The following CYTIP variants were observed in gnomAD, a reference collection of about 807,000 sequenced individuals.
CYTIP encodes cytohesin-interacting protein.
In CYTIP, 26 loss-of-function variants were observed where a neutral mutation model predicts 43.8. The observed-to-expected ratio is 0.59, with a 90% CI of 0.44 to 0.82. CYTIP has a LOEUF of 0.82. Ranked by LOEUF, CYTIP falls within the 40% of genes least tolerant of loss-of-function variation. The probability of loss-of-function intolerance (pLI) is 0.00; values close to 1 mark genes in which losing one functional copy is unlikely to be tolerated. For synonymous variants in CYTIP, 162 were observed against 162.9 expected, an observed-to-expected ratio of 0.99 and a Z score of 0.04; for missense variants, 426 against 443.1, an observed-to-expected ratio of 0.96 and a Z score of 0.35.
intron 5 of CYTIP, 77 bp from the exon 6 acceptor site, chr2:157,427,497 C>A: frequency 2.0e-6 from 2 of 990,382 alleles, no homozygotes; most frequent in Non-Finnish European, 3.0e-6. Context: ...AAGTACCATA[C>A]TACAGAGTAC....
At chr2:157,433,450 A>C (rs930776619) in intron 3 of CYTIP, among the ~76,000 whole-genome samples, 2 of 152,184 alleles carry the variant, frequency 1.3e-5, no homozygotes, top group African/African-American at 4.8e-5. Context: ...CTAATCTTAA[A>C]ATAAACACTG....
rs753626069 is a variant in CYTIP at position 157,443,921 on chromosome 2, G to A, written c.100C>T (p.Leu34Phe). The change falls in exon 1 of 8, where the codon CTT becomes TTT. Residue 34 changes from leucine to phenylalanine, a missense_variant. Physicochemically the swap from Leu to Phe is conservative, Grantham distance 22. Coordinates refer to ENST00000264192, the MANE Select transcript of CYTIP (RefSeq NM_004288.5). Reference protein sequence around the residue: ...YSSYSTLTGSLTMDDNRRIQM... With the variant: ...YSSYSTLTGSFTMDDNRRIQM... Reference sequence around the variant, plus strand: ...ATCCTTCTATTATCGTCCATCGTAAGGCTGCCGGTGAGTGTGGAGTAAGAG... The same window carrying A: ...ATCCTTCTATTATCGTCCATCGTAAAGCTGCCGGTGAGTGTGGAGTAAGAG... 1 of 1,614,164 alleles carries A rather than the reference G, an allele frequency of 6.2e-7. No individual in the cohort carries two copies. The highest frequency in any genetic ancestry group is 2.2e-5 in the East Asian group (1 of 44,888).
At chr2:157,427,838 C>A (rs1685636894) in intron 5 of CYTIP, among the ~76,000 whole-genome samples, 1 of 152,110 alleles carries the variant, frequency 6.6e-6, no homozygotes, top group East Asian at 1.9e-4. Context: ...ACAAGGGGCA[C>A]AACAACAGAA....
At chr2:157,419,747 T>C (rs1050140658) in intron 6 of CYTIP, among the ~76,000 whole-genome samples, 1 of 151,838 alleles carries the variant, frequency 6.6e-6, no homozygotes, top group African/African-American at 2.4e-5. Context: ...CTGCAAGGAG[T>C]AGATGAAGGC....
chr2:157,427,425 T>C lies in CYTIP; in HGVS notation c.477-5A>G. ...GTTCCATTAAGAGTCTCTATCCTGT[T>C]TTAAGGAAAAAAAAAAGAAGAGGAA... On this transcript the variant is annotated splice_polypyrimidine_tract_variant and splice_region_variant and intron_variant, in intron 5 of 7. Coordinates refer to ENST00000264192, the MANE Select transcript of CYTIP (RefSeq NM_004288.5). 1 of 1,588,986 alleles carries C rather than the reference T, an allele frequency of 6.3e-7. No homozygotes were observed. The highest frequency in any genetic ancestry group is 8.5e-7 in the Non-Finnish European group (1 of 1,171,674).
Position 157,430,911 on chromosome 2 carries a change from T to G in CYTIP, c.331A>C (p.Ile111Leu). The change falls in exon 4 of 8, where the codon ATA becomes CTA. Residue 111 changes from isoleucine to leucine, a missense_variant. Transcript: ENST00000264192. ...NACSSEMFTL[I>L]CKIQEDSPAH... ...GGGCTGTCCTCCTGTATTTTGCATA[T>G]CAAAGTGAACATTTCCGAGGAGCAG... 1 of 1,613,974 alleles carries G rather than the reference T, an allele frequency of 6.2e-7. No homozygotes were observed. The highest frequency in any genetic ancestry group is 8.5e-7 in the Non-Finnish European group (1 of 1,179,972).
intron 1 of CYTIP, among the ~76,000 whole-genome samples, chr2:157,443,480 G>A (rs1481902585): frequency 6.6e-6 from 1 of 152,226 alleles, no homozygotes; most frequent in African/African-American, 2.4e-5. Context: ...AGGACTGCAA[G>A]TAAGGATGGA....
chr2:157,421,109 C>T (rs1685515758), intron 6 of CYTIP, among the ~76,000 whole-genome samples: 1 of 152,168 alleles, frequency 6.6e-6, no homozygotes, highest in Non-Finnish European at 1.5e-5. Flanking sequence ...CAACTGTAAC[C>T]AAGCTTCCCT....
intron 6 of CYTIP, among the ~76,000 whole-genome samples, chr2:157,424,447 C>T (rs1221951917): frequency 6.6e-6 from 1 of 151,598 alleles, no homozygotes; most frequent in Non-Finnish European, 1.5e-5. Flanking sequence ...TTAAAGAAAA[C>T]AACAAAAAAT....
intron 1 of CYTIP, 78 bp downstream of exon 1, chr2:157,443,769 G>C: frequency 6.9e-7 from 1 of 1,446,558 alleles, no homozygotes; most frequent in Non-Finnish European, 9.5e-7. Context: ...ATCACCATTA[G>C]TATGAAGTCA....
Position 157,434,256 on chromosome 2 carries a change from A to C in CYTIP, c.279+114T>G, listed in dbSNP as rs1048698328. On this transcript the variant is annotated intron_variant, in intron 3 of 7. Transcript: ENST00000264192. ...CCCAAACAGCCACACACTGAATAAA[A>C]GTCATAGGCTCCATCATTCTCTAAT... is the stretch of plus-strand genomic sequence containing the variant. The C allele has an allele frequency of 5.9e-5, 51 of 859,106 alleles. No homozygotes were observed. The Admixed American group carries it at 1.0e-3, about 17-fold the overall frequency. The allele number at this position is 859,106 out of a possible 1,614,324, so 53.2% of individuals were successfully genotyped here. A position where few individuals can be genotyped will look rare whatever the true frequency, so the allele number is the denominator to read the frequency against.
intron 1 of CYTIP, among the ~76,000 whole-genome samples, chr2:157,443,498 G>T (rs1187194082): frequency 6.6e-6 from 1 of 152,218 alleles, no homozygotes; most frequent in African/African-American, 2.4e-5. Context: ...GGAAGGGAAA[G>T]AATCAGTGGA....
At chr2:157,429,822 G>C (rs1573858549) in intron 5 of CYTIP, among the ~76,000 whole-genome samples, 2 of 151,966 alleles carry the variant, frequency 1.3e-5, no homozygotes, top group Non-Finnish European at 2.9e-5. Context: ...AGGAGATTGA[G>C]ACCATCCTGG....
chr2:157,427,028 TTTTTG>T, intron 6 of CYTIP, among the ~76,000 whole-genome samples: 1 of 152,314 alleles, frequency 6.6e-6, no homozygotes, highest in Admixed American at 6.5e-5. Context: ...ATAATGACCT[TTTTTG>T]TTTTAATTCC....
chr2:157,435,970 G>T (rs994195215), intron 1 of CYTIP, among the ~76,000 whole-genome samples: 1 of 152,178 alleles, frequency 6.6e-6, no homozygotes, highest in Non-Finnish European at 1.5e-5. Context: ...CCAAATGCCA[G>T]CATTTTCACA....
chr2:157,443,147 C>A (rs1685943206), intron 1 of CYTIP, among the ~76,000 whole-genome samples: 1 of 152,136 alleles, frequency 6.6e-6, no homozygotes, highest in African/African-American at 2.4e-5. Context: ...TAAACACACA[C>A]TGAATGCCAG....
chr2:157,438,374 A>G (rs1685847775), intron 1 of CYTIP, among the ~76,000 whole-genome samples: 1 of 152,210 alleles, frequency 6.6e-6, no homozygotes, highest in Non-Finnish European at 1.5e-5. Flanking sequence ...GAGGCTGGGA[A>G]GGGTTGGGGG....
intron 7 of CYTIP, among the ~76,000 whole-genome samples, chr2:157,416,464 A>C (rs1685442025): frequency 6.6e-6 from 1 of 152,208 alleles, no homozygotes; most frequent in African/African-American, 2.4e-5. Context: ...CTGAACCTCC[A>C]AAATGATCAT....
At chr2:157,436,933 T>C (rs1685817164) in intron 1 of CYTIP, among the ~76,000 whole-genome samples, 2 of 151,958 alleles carry the variant, frequency 1.3e-5, no homozygotes, top group South Asian at 2.1e-4. Flanking sequence ...CTAAAATACA[T>C]AAAGTAAAAT....
Sources: allele counts gnomAD v4.1 joint callset (sites outside exome capture counted in the v4.1 genomes callset), GRCh38; gene constraint gnomAD v4.1.1; transcripts MANE v1.5; gene names NCBI Gene and HGNC (gene_info 2026-07-23, HGNC 2026-07-21).